PREX2: variants seen among roughly 807,000 people sequenced by gnomAD.
The protein encoded by PREX2 is phosphatidylinositol 3,4,5-trisphosphate-dependent Rac exchanger 2 protein.
In PREX2, 107 loss-of-function variants were observed where a neutral mutation model predicts 203.2. The ratio of observed to expected loss-of-function variants is 0.53; its 90% CI spans 0.45 to 0.62. PREX2 has a LOEUF of 0.62. Among genes scored for constraint, PREX2 ranks in the 20% least tolerant of loss-of-function variants. The probability of loss-of-function intolerance (pLI) is 0.00; values close to 1 mark genes in which losing one functional copy is unlikely to be tolerated. For synonymous variants in PREX2, 672 were observed against 663.6 expected, an observed-to-expected ratio of 1.01 and a Z score of -0.19; for missense variants, 1,777 against 1,955.9, an observed-to-expected ratio of 0.91 and a Z score of 1.72.
intron 25 of PREX2, among the ~76,000 whole-genome samples, chr8:68,115,336 A>G (rs1038971261): frequency 6.6e-6 from 1 of 152,072 alleles, no homozygotes; most frequent in Non-Finnish European, 1.5e-5. Flanking sequence ...CTGATTACCG[A>G]GTATTTTCAT....
chr8:68,127,221 C>A (rs1810910147), intron 30 of PREX2, among the ~76,000 whole-genome samples, 157 bp from the exon 31 acceptor site: 1 of 152,042 alleles, frequency 6.6e-6, no homozygotes, highest in South Asian at 2.1e-4. Flanking sequence ...AAAGTAATTG[C>A]TGTTTTTGCC....
At chr8:68,230,245 G>T (rs1247399058) in intron 39 of PREX2, among the ~76,000 whole-genome samples, 1 of 152,212 alleles carries the variant, frequency 6.6e-6, no homozygotes, top group African/African-American at 2.4e-5. Context: ...TTTATAATTT[G>T]CTAAATTGAT....
At chr8:68,116,750 G>A (rs961823246) in intron 26 of PREX2, among the ~76,000 whole-genome samples, 5 of 152,138 alleles carry the variant, frequency 3.3e-5, no homozygotes, top group Non-Finnish European at 7.4e-5. Context: ...CCTTTGTAAA[G>A]ACCCTATCTC....
At chr8:68,095,769 G>A (rs1311402645) in intron 21 of PREX2, among the ~76,000 whole-genome samples, 2 of 151,664 alleles carry the variant, frequency 1.3e-5, no homozygotes, top group Non-Finnish European at 2.9e-5. Flanking sequence ...ACCCCTTCCA[G>A]TAGCTGGGAC....
At chr8:68,230,112 C>T (rs1157203727) in intron 39 of PREX2, among the ~76,000 whole-genome samples, 4 of 152,156 alleles carry the variant, frequency 2.6e-5, no homozygotes, top group African/African-American at 7.2e-5. Context: ...GCTTCTTCTA[C>T]GTGTTCTCAT....
At chr8:68,152,449 C>T (rs143867897) in intron 34 of PREX2, among the ~76,000 whole-genome samples, 119 of 152,196 alleles carry the variant, frequency 7.8e-4, no homozygotes, top group African/African-American at 2.7e-3. Context: ...TGTAAACCCA[C>T]CTCTCTTCAG....
intron 34 of PREX2, among the ~76,000 whole-genome samples, chr8:68,152,175 G>A (rs1273017689): frequency 6.6e-6 from 1 of 151,268 alleles, no homozygotes; most frequent in East Asian, 2.0e-4. Flanking sequence ...TGTAGTCCCA[G>A]CTACTGGGGA....
chr8:68,188,646 C>T (rs1405808420), intron 35 of PREX2, among the ~76,000 whole-genome samples: 3 of 152,178 alleles, frequency 2.0e-5, no homozygotes, highest in Non-Finnish European at 4.4e-5. Flanking sequence ...GGAGCAAGGT[C>T]ACATCTTACA....
At chr8:68,192,251 C>A in intron 36 of PREX2, 84 bp from the exon 37 acceptor site, 4 of 1,016,408 alleles carry the variant, frequency 3.9e-6, no homozygotes, top group Non-Finnish European at 5.7e-6. Flanking sequence ...AAATTTTAGA[C>A]TATTCTTTAA....
intron 35 of PREX2, among the ~76,000 whole-genome samples, chr8:68,174,734 G>A (rs1811945910): frequency 6.6e-6 from 1 of 152,144 alleles, no homozygotes; most frequent in African/African-American, 2.4e-5. Context: ...TTTGTTGCTT[G>A]TTGACAAAGC....
chr8:68,212,509 A>T (rs570537610), intron 37 of PREX2, among the ~76,000 whole-genome samples: 1 of 152,344 alleles, frequency 6.6e-6, no homozygotes, highest in Non-Finnish European at 1.5e-5. Flanking sequence ...CAAAATAGGA[A>T]TGAAAGTTAA....
chr8:67,980,917 T>C (rs912271352), intron 1 of PREX2, among the ~76,000 whole-genome samples: 1 of 152,212 alleles, frequency 6.6e-6, no homozygotes, highest in Admixed American at 6.5e-5. Flanking sequence ...GGGTATTTCT[T>C]CATAGCAGTG....
chr8:67,988,415 T>C (rs912091244), intron 1 of PREX2, among the ~76,000 whole-genome samples: 4 of 152,178 alleles, frequency 2.6e-5, no homozygotes, highest in Admixed American at 2.6e-4. Flanking sequence ...ATCACTTTAC[T>C]TAGTCCTCCT....
At chr8:68,003,214 CTT>C (rs561104798) in intron 1 of PREX2, among the ~76,000 whole-genome samples, 84 of 152,126 alleles carry the variant, frequency 5.5e-4, no homozygotes, top group African/African-American at 2.0e-3. Flanking sequence ...TGATGTATCT[CTT>C]TGTTGCCCAG....
chr8:68,067,361 T>A, intron 11 of PREX2, among the ~76,000 whole-genome samples: 1 of 152,064 alleles, frequency 6.6e-6, no homozygotes, highest in Non-Finnish European at 1.5e-5. Flanking sequence ...AACATGGGAT[T>A]TCTTACCATT....
At chr8:68,105,700 T>TATATAA (rs61184621) in intron 23 of PREX2, 7 of 244,748 alleles carry the variant, frequency 2.9e-5, no homozygotes, top group African/African-American at 1.2e-4. Context: ...TATATATATA[T>TATATAA]GGATATATAT....
intron 1 of PREX2, among the ~76,000 whole-genome samples, chr8:67,990,900 C>G (rs758107037): frequency 2.6e-5 from 4 of 152,102 alleles, no homozygotes; most frequent in Non-Finnish European, 5.9e-5. Flanking sequence ...GTGTCAGTTT[C>G]AGCACTAAGC....
At chr8:68,118,727 A>G (rs879517172) in intron 27 of PREX2, 83 bp downstream of exon 27, 1 of 999,710 alleles carries the variant, frequency 1.0e-6, no homozygotes, top group Admixed American at 1.7e-5. Context: ...TCGTAGATCC[A>G]TATGAATTTT....
At chr8:68,087,449 CAG>C (rs1444317471) in intron 18 of PREX2, among the ~76,000 whole-genome samples, 29 of 152,152 alleles carry the variant, frequency 1.9e-4, no homozygotes, top group African/African-American at 5.8e-4. Context: ...ATCACTGGGA[CAG>C]AGAGATTGAG....
Sources: gnomAD v4.1 joint callset for allele counts (sites outside exome capture counted in the v4.1 genomes callset) on GRCh38, gnomAD v4.1.1 for gene constraint, MANE v1.5 for transcripts, NCBI Gene and HGNC (gene_info 2026-07-23, HGNC 2026-07-21) for gene names.